XPO4: variants seen among roughly 807,000 people sequenced by gnomAD.
The protein encoded by XPO4 is exportin 4, also known as exportin-4.
A neutral mutation model predicts 143.0 loss-of-function variants in XPO4; 39 were observed. That is an observed-to-expected ratio of 0.27 (90% confidence interval 0.21 to 0.36). The LOEUF (loss-of-function observed/expected upper bound fraction) is 0.36, where lower values mean the gene tolerates loss of function less well. Among genes scored for constraint, XPO4 ranks in the 10% least tolerant of loss-of-function variants. XPO4 has a pLI of 1.00. For synonymous variants in XPO4, 439 were observed against 474.0 expected (o/e 0.93, Z 0.96); for missense variants, 907 against 1,348.0 (o/e 0.67, Z 5.12).
chr13:20,875,775 AC>A (rs1015483375), intron 1 of XPO4, among the ~76,000 whole-genome samples: 1 of 152,160 alleles, frequency 6.6e-6, no homozygotes. Flanking sequence ...TAGTTGGGAA[AC>A]CTGCAAAATG....
At chr13:20,850,345 T>C (rs2060071482) in intron 4 of XPO4, 1 of 905,918 alleles carries the variant, frequency 1.1e-6, no homozygotes, top group South Asian at 5.1e-5. Flanking sequence ...GAGAAGTTAA[T>C]TTAAGTTAGG....
chr13:20,850,119 C>T (rs9506560), intron 4 of XPO4: 447,286 of 982,736 alleles, frequency 0.46, 105,588 homozygotes, highest in Non-Finnish European at 0.49. Context: ...AAAAACCACA[C>T]ACAAATGATT....
chr13:20,890,449 A>T (rs2060501089), intron 1 of XPO4, among the ~76,000 whole-genome samples: 1 of 139,558 alleles, frequency 7.2e-6, no homozygotes, highest in Non-Finnish European at 1.6e-5. Context: ...GACTCTGTCT[A>T]AAAAAAAAAA....
chr13:20,806,851 G>A (rs1012956451), intron 13 of XPO4, among the ~76,000 whole-genome samples: 6 of 151,714 alleles, frequency 4.0e-5, no homozygotes, highest in East Asian at 3.9e-4. Flanking sequence ...GCGCCTGGCC[G>A]GAACATTTTT....
chr13:20,860,112 C>T (rs1193622412), intron 3 of XPO4, among the ~76,000 whole-genome samples: 1 of 152,174 alleles, frequency 6.6e-6, no homozygotes, highest in Non-Finnish European at 1.5e-5. Flanking sequence ...TCAGAACAAT[C>T]TCATCTAATC....
chr13:20,891,671 T>C (rs2060518172), intron 1 of XPO4, among the ~76,000 whole-genome samples: 1 of 152,050 alleles, frequency 6.6e-6, no homozygotes, highest in Non-Finnish European at 1.5e-5. Context: ...AAGACCAGCC[T>C]GGGCAACATA....
intron 22 of XPO4, among the ~76,000 whole-genome samples, chr13:20,785,972 AAGAG>A (rs1163373785): frequency 9.3e-6 from 1 of 108,066 alleles, no homozygotes; most frequent in Non-Finnish European, 2.0e-5. Context: ...AGAAAAGAAA[AAGAG>A]AGGAAGGAAG....
chr13:20,896,153 CTA>C (rs1210986760), intron 1 of XPO4, among the ~76,000 whole-genome samples: 1 of 152,162 alleles, frequency 6.6e-6, no homozygotes, highest in Non-Finnish European at 1.5e-5. Flanking sequence ...TATGCCAATG[CTA>C]TGTTTCAATT....
At position 20,844,938 on chromosome 13, in the gene XPO4, G is replaced by A. The variant is rs546577209; in HGVS notation, c.457-1052C>T. On this transcript the variant is annotated intron_variant, in intron 4 of 22. Coordinates refer to ENST00000255305, the MANE Select transcript of XPO4 (RefSeq NM_022459.5). ...TGTAATCCCAACACTTTGGGAGGCCGAGGCAGGCAATCACCTGAGGTCAGG... is the reference window on the plus strand; with the variant it reads ...TGTAATCCCAACACTTTGGGAGGCCAAGGCAGGCAATCACCTGAGGTCAGG... 5.3e-5 allele frequency among the ~76,000 whole-genome samples: 8 copies of A among 152,304 alleles called. No individual in the cohort carries two copies. The East Asian group carries it at 5.8e-4, about 11-fold the overall frequency.
In XPO4 at chr13:20,796,178, T is replaced by A. The variant is rs117470697; in HGVS notation, c.2695A>T (p.Ile899Leu). Residue 899 changes from isoleucine to leucine, a missense_variant, in exon 18 of 23, where the codon ATA becomes TTA. By Grantham distance (5) the Ile-to-Leu change is conservative. Coordinates refer to ENST00000255305, the MANE Select transcript of XPO4 (RefSeq NM_022459.5). ...TGCTCTTCTTCTGCTGTAACATCTA[T>A]TCTTTGCCGCCCTAAATTATTCTTA... is the stretch of plus-strand genomic sequence containing the variant. ...YSKNNLGRQRIDVTAEEEQYQ... is the reference protein window; with the variant it reads ...YSKNNLGRQRLDVTAEEEQYQ... The A allele has an allele frequency of 0.013, 20,729 of 1,613,836 alleles. 192 individuals carry two copies. The highest frequency in any genetic ancestry group is 0.017 in the South Asian group (1,583 of 91,066).
intron 22 of XPO4, among the ~76,000 whole-genome samples, 180 bp from the exon 23 acceptor site, chr13:20,784,099 T>C (rs1013248782): frequency 1.3e-5 from 2 of 152,232 alleles, no homozygotes; most frequent in African/African-American, 4.8e-5. Context: ...TTAATTCATC[T>C]ATCATTTACA....
At position 20,802,938 on chromosome 13, in the gene XPO4, TATGCATCTCTTA is replaced by T. The variant is rs1269452736; in HGVS notation, c.1818-1960_1818-1949del. The stretch of plus-strand genomic sequence containing the variant: ...ATGAATAAACACAAACATAAAATTG[TATGCATCTCTTA>T]ATGTGATTAACTTAGTAGGGTTCTT... On this transcript the variant is annotated intron_variant, in intron 13 of 22. Coordinates refer to ENST00000255305, the MANE Select transcript of XPO4 (RefSeq NM_022459.5). 1.4e-4 allele frequency among the ~76,000 whole-genome samples: 21 copies of T among 152,344 alleles called. No individual in the cohort carries two copies. In the South Asian group the frequency reaches 3.9e-3, roughly 29 times the overall value.
chr13:20,847,580 G>A (rs2060040523), intron 4 of XPO4, among the ~76,000 whole-genome samples: 1 of 152,116 alleles, frequency 6.6e-6, no homozygotes, highest in East Asian at 1.9e-4. Flanking sequence ...GGCATTCCGA[G>A]TGCACTACCC....
intron 1 of XPO4, among the ~76,000 whole-genome samples, chr13:20,899,616 C>G (rs2138194867): frequency 1.3e-5 from 2 of 152,292 alleles, no homozygotes; most frequent in South Asian, 4.1e-4. Flanking sequence ...TTACAATTTC[C>G]TTTTGATATT....
intron 1 of XPO4, among the ~76,000 whole-genome samples, chr13:20,887,143 C>T (rs2060468711): frequency 6.6e-6 from 1 of 152,136 alleles, no homozygotes; most frequent in South Asian, 2.1e-4. Context: ...CAATCCTATA[C>T]AGATTTCTTC....
chr13:20,850,354 G>A, intron 4 of XPO4: 1 of 862,436 alleles, frequency 1.2e-6, no homozygotes, highest in Non-Finnish European at 1.4e-6. Flanking sequence ...ATTTAAGTTA[G>A]GTTGGCAATA....
At chr13:20,889,498 G>C (rs2060491909) in intron 1 of XPO4, among the ~76,000 whole-genome samples, 1 of 152,176 alleles carries the variant, frequency 6.6e-6, no homozygotes. Flanking sequence ...GCAACTAGTG[G>C]ATAGAGGGTA....
In XPO4 at chr13:20,843,763, C is replaced by T. The variant is rs747084390; in HGVS notation, c.573+7G>A. 50 of 1,592,264 alleles carry T rather than the reference C, an allele frequency of 3.1e-5. 1 individual carries two copies. In the South Asian group the frequency reaches 4.6e-4, roughly 15 times the overall value. On this transcript the variant is annotated splice_region_variant and intron_variant, in intron 5 of 22. Transcript: ENST00000255305. Reference sequence around the variant, plus strand: ...TAATTAAAACTCAAGAACAAAACTACCAATACCTGAAAAACTCTTTTGCAG... The same window carrying T: ...TAATTAAAACTCAAGAACAAAACTATCAATACCTGAAAAACTCTTTTGCAG...
At chr13:20,862,093 G>T (rs1200473213) in intron 3 of XPO4, among the ~76,000 whole-genome samples, 9 of 151,926 alleles carry the variant, frequency 5.9e-5, no homozygotes, top group Non-Finnish European at 1.3e-4. Flanking sequence ...AGCCCTCTAT[G>T]CACATTTCTA....
Sources: allele counts gnomAD v4.1 joint callset (sites outside exome capture counted in the v4.1 genomes callset), GRCh38; gene constraint gnomAD v4.1.1; transcripts MANE v1.5; gene names NCBI Gene and HGNC (gene_info 2026-07-23, HGNC 2026-07-21).